JMJD1C: variants seen among roughly 807,000 people sequenced by gnomAD.
JMJD1C encodes jumonji domain containing 1C.
A neutral mutation model predicts 245.3 loss-of-function variants in JMJD1C; 31 were observed. The observed-to-expected ratio is 0.13, with a 90% CI of 0.09 to 0.17. The LOEUF (loss-of-function observed/expected upper bound fraction) is 0.17, where lower values mean the gene tolerates loss of function less well. JMJD1C is among the 10% of genes least tolerant of loss of function. The pLI is 1.00. For synonymous variants in JMJD1C, 1,057 were observed against 1,017.4 expected (o/e 1.04, Z -0.74); for missense variants, 2,691 against 3,000.2 (o/e 0.90, Z 2.41).
intron 1 of JMJD1C, among the ~76,000 whole-genome samples, chr10:63,515,989 G>A (rs1289878538): frequency 2.0e-5 from 3 of 152,022 alleles, no homozygotes; most frequent in Non-Finnish European, 2.9e-5. Flanking sequence ...CTGATTTTAC[G>A]ACAGAAAGGT....
chr10:63,296,018 T>TTTTTG (rs1859391788), intron 2 of JMJD1C, among the ~76,000 whole-genome samples: 1 of 120,672 alleles, frequency 8.3e-6, no homozygotes, highest in Non-Finnish European at 1.8e-5. Flanking sequence ...TATATATTTT[T>TTTTTG]TTTTTTTTCT....
Position 63,192,929 on chromosome 10 carries a change from T to G in JMJD1C, c.6076+9A>C, listed in dbSNP as rs367856925. The G allele has an allele frequency of 2.5e-6, 4 of 1,599,132 alleles. No homozygotes were observed. Among genetic ancestry groups the G allele is most frequent in the Non-Finnish European group, 3.4e-6 (4 of 1,166,734 alleles). On this transcript the variant is annotated intron_variant, in intron 16 of 25. Coordinates refer to ENST00000399262, the MANE Select transcript of JMJD1C (RefSeq NM_032776.3). ...TCTCACACATGCCTAGATAATCAAT[T>G]ATGTTTACCTTTTTTTTCCTCTCTG...
intron 1 of JMJD1C, among the ~76,000 whole-genome samples, chr10:63,403,391 G>A (rs1398960199): frequency 6.6e-6 from 1 of 152,174 alleles, no homozygotes; most frequent in African/African-American, 2.4e-5. Context: ...CACATCAGAT[G>A]ATCAAGTTAC....
chr10:63,489,132 G>A (rs1455077558), intron 1 of JMJD1C, among the ~76,000 whole-genome samples: 1 of 152,218 alleles, frequency 6.6e-6, no homozygotes, highest in South Asian at 2.1e-4. Context: ...GGGCGCAGTG[G>A]CTCACGCCTG....
intron 8 of JMJD1C, among the ~76,000 whole-genome samples, chr10:63,210,716 T>C (rs1847213120): frequency 1.3e-5 from 2 of 152,148 alleles, no homozygotes; most frequent in South Asian, 2.1e-4. Flanking sequence ...AATAAACATG[T>C]GAGTGCAACA....
intron 1 of JMJD1C, among the ~76,000 whole-genome samples, chr10:63,414,938 G>GA (rs11438680): frequency 0.41 from 58,466 of 141,818 alleles, 12,629 homozygotes; most frequent in South Asian, 0.54. Flanking sequence ...CAACACTAGA[G>GA]AAAAAAAAAA....
chr10:63,263,703 G>A (rs563774998), intron 3 of JMJD1C, among the ~76,000 whole-genome samples: 63 of 151,978 alleles, frequency 4.1e-4, no homozygotes, highest in African/African-American at 5.8e-4. Flanking sequence ...AGGCCGAGGC[G>A]GGCAGACCAC....
intron 4 of JMJD1C, among the ~76,000 whole-genome samples, chr10:63,219,495 A>T (rs139645089): frequency 2.5e-4 from 38 of 152,314 alleles, no homozygotes; most frequent in African/African-American, 8.9e-4. Context: ...GCACTGAAAT[A>T]GGCCACTTTT....
chr10:63,403,013 C>T (rs1948957477), intron 1 of JMJD1C, among the ~76,000 whole-genome samples: 1 of 152,154 alleles, frequency 6.6e-6, no homozygotes, highest in Non-Finnish European at 1.5e-5. Context: ...ATTTTTCCAT[C>T]ACGGTAGAAG....
chr10:63,330,682 T>A (rs1416355176), intron 2 of JMJD1C, among the ~76,000 whole-genome samples: 1 of 152,170 alleles, frequency 6.6e-6, no homozygotes, highest in Non-Finnish European at 1.5e-5. Context: ...TATATCTCAT[T>A]TGTTCTGAAG....
chr10:63,508,648 T>C (rs995208885), intron 1 of JMJD1C, among the ~76,000 whole-genome samples: 2 of 152,250 alleles, frequency 1.3e-5, no homozygotes, highest in African/African-American at 2.4e-5. Context: ...GTTCTTCTGT[T>C]TTCTTTCATC....
At chr10:63,299,287 T>C (rs1859807736) in intron 2 of JMJD1C, among the ~76,000 whole-genome samples, 1 of 152,210 alleles carries the variant, frequency 6.6e-6, no homozygotes, top group East Asian at 1.9e-4. Flanking sequence ...GTTCAAGCGA[T>C]TCTCGCCCCT....
intron 7 of JMJD1C, 22 bp downstream of exon 7, chr10:63,215,241 T>A (rs1847843639): frequency 7.8e-7 from 1 of 1,281,002 alleles, no homozygotes. Flanking sequence ...TTCATTCCCT[T>A]AAAAAAAAAA....
intron 1 of JMJD1C, among the ~76,000 whole-genome samples, chr10:63,506,722 A>C (rs1252499007): frequency 6.6e-6 from 1 of 152,130 alleles, no homozygotes; most frequent in Admixed American, 6.6e-5. Context: ...TCAACATCCC[A>C]CAGAAGAATG....
chr10:63,235,634 A>C (rs1850646080), intron 3 of JMJD1C, among the ~76,000 whole-genome samples: 1 of 152,246 alleles, frequency 6.6e-6, no homozygotes, highest in African/African-American at 2.4e-5. Context: ...AAGATTTTTT[A>C]AATTGTCACA....
At chr10:63,222,710 T>C in intron 3 of JMJD1C, 1 of 1,538,100 alleles carries the variant, frequency 6.5e-7, no homozygotes, top group Non-Finnish European at 9.0e-7. Flanking sequence ...AGCAGCTGCT[T>C]TGATTGACTT....
At chr10:63,194,069 C>A (rs1029357534) in intron 14 of JMJD1C, among the ~76,000 whole-genome samples, 3 of 152,200 alleles carry the variant, frequency 2.0e-5, no homozygotes, top group African/African-American at 7.2e-5. Context: ...TCATTACACT[C>A]CAGCTTTCCA....
chr10:63,254,541 G>A (rs1391152157), intron 3 of JMJD1C, among the ~76,000 whole-genome samples: 1 of 152,092 alleles, frequency 6.6e-6, no homozygotes, highest in Non-Finnish European at 1.5e-5. Flanking sequence ...CTAAAATTTT[G>A]AGTTCAGGTT....
chr10:63,230,910 A>G (rs1849897489), intron 3 of JMJD1C, among the ~76,000 whole-genome samples: 1 of 152,226 alleles, frequency 6.6e-6, no homozygotes, highest in African/African-American at 2.4e-5. Flanking sequence ...TATTTCTAAC[A>G]TAATTCTGAG....
Sources: gnomAD v4.1 joint callset for allele counts (sites outside exome capture counted in the v4.1 genomes callset) on GRCh38, gnomAD v4.1.1 for gene constraint, MANE v1.5 for transcripts, NCBI Gene and HGNC (gene_info 2026-07-23, HGNC 2026-07-21) for gene names.